The following PRKG1 variants were observed in gnomAD, a reference collection of about 807,000 sequenced individuals.
PRKG1 encodes protein kinase cGMP-dependent 1.
PRKG1 carries 35 observed loss-of-function variants against 88.1 expected under a neutral mutation model. That is an observed-to-expected ratio of 0.40 (90% confidence interval 0.30 to 0.53). The LOEUF is 0.53. Ranked by LOEUF, PRKG1 falls within the 20% of genes least tolerant of loss-of-function variation. PRKG1 has a pLI of 0.59. For missense variants in PRKG1, 540 were observed against 839.8 expected (o/e 0.64, Z 4.41); for synonymous variants, 303 against 292.5 (o/e 1.04, Z -0.37).
intron 2 of PRKG1, among the ~76,000 whole-genome samples, chr10:51,219,629 G>T (rs1358094245): frequency 6.6e-6 from 1 of 151,762 alleles, no homozygotes; most frequent in Non-Finnish European, 1.5e-5. Context: ...AGAATCACTT[G>T]AACCCAGGAG....
intron 3 of PRKG1, among the ~76,000 whole-genome samples, chr10:51,804,055 A>G (rs1472711558): frequency 6.6e-6 from 1 of 152,140 alleles, no homozygotes; most frequent in African/African-American, 2.4e-5. Flanking sequence ...TTGGGCACAG[A>G]TTTCAATTTG....
Position 51,362,946 on chromosome 10 carries a change from G to A in PRKG1, c.479-104777G>A, listed in dbSNP as rs903433693. Reference sequence around the variant, plus strand: ...AAGGCCAAGCTTTATGTAGTGTTACGATCAGCTTAGAACAAGGAATTCATT... The same window carrying A: ...AAGGCCAAGCTTTATGTAGTGTTACAATCAGCTTAGAACAAGGAATTCATT... On this transcript the variant is annotated intron_variant, in intron 2 of 17. Transcript: ENST00000373980. Among the ~76,000 whole-genome samples, 24 of 151,788 alleles carry A rather than the reference G, an allele frequency of 1.6e-4. 1 individual carries two copies. The highest frequency in any genetic ancestry group is 2.9e-4 in the African/African-American group (12 of 41,328).
chr10:52,084,048 A>G (rs987045828), intron 7 of PRKG1, among the ~76,000 whole-genome samples: 1 of 152,076 alleles, frequency 6.6e-6, no homozygotes, highest in South Asian at 2.1e-4. Flanking sequence ...CTTTGCTAAA[A>G]GAATATAGAC....
At chr10:51,974,672 A>G (rs1330007835) in intron 5 of PRKG1, among the ~76,000 whole-genome samples, 3 of 152,130 alleles carry the variant, frequency 2.0e-5, no homozygotes, top group Non-Finnish European at 4.4e-5. Flanking sequence ...AATCCTAACC[A>G]TATTTTAATG....
At chr10:51,495,416 T>C (rs1414216331) in intron 3 of PRKG1, among the ~76,000 whole-genome samples, 15 of 152,184 alleles carry the variant, frequency 9.9e-5, no homozygotes, top group Non-Finnish European at 1.0e-4. Context: ...ACAATGACTT[T>C]GAACTTGAAT....
intron 5 of PRKG1, among the ~76,000 whole-genome samples, chr10:52,026,565 G>A (rs1347059122): frequency 1.3e-5 from 2 of 152,232 alleles, no homozygotes; most frequent in South Asian, 2.1e-4. Context: ...AGGCAGAATG[G>A]GGAGTGATTA....
At chr10:51,231,862 G>A (rs756821130) in intron 2 of PRKG1, among the ~76,000 whole-genome samples, 3 of 152,136 alleles carry the variant, frequency 2.0e-5, no homozygotes, top group Non-Finnish European at 4.4e-5. Flanking sequence ...ATTTATTAGA[G>A]AATCTGGCAA....
chr10:51,061,885 T>G (rs979577195), intron 1 of PRKG1, among the ~76,000 whole-genome samples: 5 of 152,238 alleles, frequency 3.3e-5, no homozygotes, highest in African/African-American at 1.2e-4. Flanking sequence ...ATTGTCACAA[T>G]TATTTTAAAG....
At chr10:51,653,984 C>G (rs1042214152) in intron 3 of PRKG1, among the ~76,000 whole-genome samples, 1 of 151,940 alleles carries the variant, frequency 6.6e-6, no homozygotes, top group African/African-American at 2.4e-5. Flanking sequence ...TCTCCCAATT[C>G]CAAGATTATG....
intron 9 of PRKG1, among the ~76,000 whole-genome samples, chr10:52,173,047 A>G (rs1838754033): frequency 6.6e-6 from 1 of 152,232 alleles, no homozygotes; most frequent in Non-Finnish European, 1.5e-5. Context: ...CCTTTTATAG[A>G]AACAATATTT....
chr10:51,610,498 A>G (rs1407360863), intron 3 of PRKG1, among the ~76,000 whole-genome samples: 1 of 152,152 alleles, frequency 6.6e-6, no homozygotes, highest in Non-Finnish European at 1.5e-5. Context: ...ATAGTATTTC[A>G]TTGTCTATAT....
intron 2 of PRKG1, among the ~76,000 whole-genome samples, chr10:51,304,540 A>T (rs1025091828): frequency 6.6e-6 from 1 of 151,658 alleles, no homozygotes; most frequent in Admixed American, 6.6e-5. Context: ...TGTGCAGGTT[A>T]GTTACATATG....
At chr10:52,029,958 A>G (rs1268125896) in intron 5 of PRKG1, among the ~76,000 whole-genome samples, 1 of 152,176 alleles carries the variant, frequency 6.6e-6, no homozygotes, top group Non-Finnish European at 1.5e-5. Flanking sequence ...CACTTTTTAA[A>G]GAAATCCATG....
intron 2 of PRKG1, among the ~76,000 whole-genome samples, chr10:51,277,440 T>C (rs1207222946): frequency 1.3e-5 from 2 of 152,118 alleles, no homozygotes; most frequent in African/African-American, 4.8e-5. Flanking sequence ...GTCTTGGCAA[T>C]GTGGGCTCTT....
chr10:51,958,465 GT>G (rs1194165336), intron 5 of PRKG1, among the ~76,000 whole-genome samples: 4 of 150,262 alleles, frequency 2.7e-5, no homozygotes, highest in African/African-American at 4.9e-5. Context: ...CTGGACCAGA[GT>G]TTTTTTTAGG....
At chr10:52,117,200 G>GTGTGTGTGTGTGTA (rs1001796873) in intron 7 of PRKG1, among the ~76,000 whole-genome samples, 34 of 146,738 alleles carry the variant, frequency 2.3e-4, no homozygotes, top group African/African-American at 8.3e-4. Flanking sequence ...GTGTGTGTGT[G>GTGTGTGTGTGTGTA]TATGATTGGT....
At chr10:51,061,202 G>A (rs1295496615) in intron 1 of PRKG1, among the ~76,000 whole-genome samples, 1 of 152,112 alleles carries the variant, frequency 6.6e-6, no homozygotes, top group African/African-American at 2.4e-5. Flanking sequence ...TCACAGTCAT[G>A]GTGGAAGACG....
intron 3 of PRKG1, among the ~76,000 whole-genome samples, chr10:51,767,392 G>A (rs1043001832): frequency 1.3e-5 from 2 of 152,106 alleles, no homozygotes; most frequent in African/African-American, 2.4e-5. Flanking sequence ...GACAAACACA[G>A]GAACTGTTTG....
intron 7 of PRKG1, among the ~76,000 whole-genome samples, chr10:52,123,685 A>G (rs996390143): frequency 1.3e-5 from 2 of 152,144 alleles, no homozygotes; most frequent in Non-Finnish European, 2.9e-5. Context: ...ATATGTGAAA[A>G]GGCCATCAGT....
Sources: allele counts gnomAD v4.1 joint callset (sites outside exome capture counted in the v4.1 genomes callset), GRCh38; gene constraint gnomAD v4.1.1; transcripts MANE v1.5; gene names NCBI Gene and HGNC (gene_info 2026-07-23, HGNC 2026-07-21).